The following PACS2 variants were observed in gnomAD, a reference collection of about 807,000 sequenced individuals.
PACS2 encodes the protein phosphofurin acidic cluster sorting protein 2.
PACS2 carries 36 observed loss-of-function variants against 113.0 expected under a neutral mutation model. That is an observed-to-expected ratio of 0.32 (90% CI 0.24 to 0.42). The LOEUF (loss-of-function observed/expected upper bound fraction) is 0.42, where lower values mean the gene tolerates loss of function less well. PACS2 is among the 10% of genes least tolerant of loss of function. The pLI is 1.00. For synonymous variants in PACS2, 589 were observed against 536.1 expected (o/e 1.10, Z -1.36); for missense variants, 1,015 against 1,239.5 (o/e 0.82, Z 2.72).
At chr14:105,362,421 AAAAAAAAAAG>A (rs1178785393) in intron 4 of PACS2, among the ~76,000 whole-genome samples, 2 of 151,650 alleles carry the variant, frequency 1.3e-5, no homozygotes, top group African/African-American at 4.9e-5. Flanking sequence ...CGTCTCAAAA[AAAAAAAAAAG>A]AAAAGAAAAA....
chr14:105,368,260 G>T, intron 6 of PACS2, 113 bp downstream of exon 6: 4 of 876,752 alleles, frequency 4.6e-6, no homozygotes, highest in East Asian at 2.5e-5. Flanking sequence ...TGAGCCACGG[G>T]CCTGGCCCCT....
intron 4 of PACS2, among the ~76,000 whole-genome samples, chr14:105,362,231 A>T (rs1285209092): frequency 6.6e-5 from 10 of 150,848 alleles, no homozygotes; most frequent in Non-Finnish European, 1.3e-4. Context: ...ATCCTGGCTA[A>T]CACAGTGAAA....
At chr14:105,341,585 A>C (rs782711901) in intron 1 of PACS2, among the ~76,000 whole-genome samples, 1 of 152,204 alleles carries the variant, frequency 6.6e-6, no homozygotes, top group Non-Finnish European at 1.5e-5. Flanking sequence ...AGTGTGGTGC[A>C]CCTGGCCTGG....
chr14:105,321,914 T>A (rs1299425951), intron 1 of PACS2, among the ~76,000 whole-genome samples: 1 of 152,102 alleles, frequency 6.6e-6, no homozygotes, highest in Admixed American at 6.6e-5. Context: ...TGTATCTAGA[T>A]TTCATTTTCA....
intron 4 of PACS2, among the ~76,000 whole-genome samples, chr14:105,361,363 A>G (rs1435107456): frequency 6.6e-6 from 1 of 151,998 alleles, no homozygotes; most frequent in African/African-American, 2.4e-5. Context: ...AAGGCTGGGC[A>G]CGGTGGCTCA....
intron 15 of PACS2, 96 bp from the exon 16 acceptor site, chr14:105,383,263 A>G (rs782327756): frequency 4.7e-5 from 67 of 1,412,700 alleles, no homozygotes; most frequent in Non-Finnish European, 6.4e-5. Context: ...GGCCACAGGC[A>G]CGGAGCCCCC....
At chr14:105,308,448 C>T (rs1447362697) in intron 1 of PACS2, among the ~76,000 whole-genome samples, 2 of 150,890 alleles carry the variant, frequency 1.3e-5, no homozygotes, top group African/African-American at 4.9e-5. Context: ...CACCATTGTA[C>T]TCCAGCCTGG....
intron 1 of PACS2, among the ~76,000 whole-genome samples, chr14:105,308,307 C>G (rs2058249455): frequency 1.3e-5 from 2 of 151,992 alleles, no homozygotes; most frequent in African/African-American, 2.4e-5. Context: ...TATGGCAAAA[C>G]AGCATCTCTA....
At chr14:105,306,221 C>T (rs1057075011) in intron 1 of PACS2, among the ~76,000 whole-genome samples, 4 of 152,184 alleles carry the variant, frequency 2.6e-5, no homozygotes, top group African/African-American at 4.8e-5. Context: ...TTGAAGGACA[C>T]GCCTAGGCAC....
chr14:105,391,810 A>G (rs2081368426), intron 22 of PACS2, 44 bp downstream of exon 22: 4 of 1,538,584 alleles, frequency 2.6e-6, no homozygotes, highest in Non-Finnish European at 3.5e-6. Context: ...TACCCGCCCC[A>G]CCACATGCTG....
Position 105,394,099 on chromosome 14 carries a change from C to T in PACS2, c.2597-455C>T, listed in dbSNP as rs1275985833. The T allele has an allele frequency of 9.7e-5, 48 of 494,500 alleles. 1 individual carries two copies. Among genetic ancestry groups the T allele is most frequent in the Non-Finnish European group, 1.3e-4 (48 of 382,748 alleles). The allele number at this position is 494,500 out of a possible 1,614,324, so 30.6% of individuals were successfully genotyped here. A position where few individuals can be genotyped will look rare whatever the true frequency, so the allele number is the denominator to read the frequency against. ...ACTCTGCAAGTAACTGTTTCAGAAA[C>T]GGAGCTCTGGGAGGCTTTCCTCTTT... On this transcript the variant is annotated intron_variant, in intron 24 of 24. Coordinates refer to ENST00000447393, the MANE Select transcript of PACS2 (RefSeq NM_001100913.3).
Position 105,314,818 on chromosome 14 carries a change from A to T in PACS2, c.-101A>T. ...CCGTCCCCTCCGCCGCCCGGCAGCC[A>T]TGTGACCGCGCCGCCGCCCTCCGCG... On this transcript the variant is annotated 5_prime_UTR_variant, in exon 1 of 25. The change abolishes an upstream ATG in the 5' untranslated region. Transcript: ENST00000447393. 1 of 323,830 alleles carries T rather than the reference A, an allele frequency of 3.1e-6. No homozygotes were observed. The highest frequency in any genetic ancestry group is 4.3e-6 in the Non-Finnish European group (1 of 231,000). The allele number at this position is 323,830 out of a possible 1,614,324, so 20.1% of individuals were successfully genotyped here. A position where few individuals can be genotyped will look rare whatever the true frequency, so the allele number is the denominator to read the frequency against.
chr14:105,364,479 G>A (rs1438128723), intron 4 of PACS2, among the ~76,000 whole-genome samples: 94 of 137,170 alleles, frequency 6.9e-4, no homozygotes, highest in African/African-American at 2.4e-3. Context: ...CCGGGTGCGC[G>A]GTGGGTGGCG....
At position 105,382,018 on chromosome 14, in the gene PACS2, G is replaced by A. The variant is rs1237381750; in HGVS notation, c.1373G>A (p.Arg458His). ...NERANSLDNE[R>H]CPDARSQLQV... ...CGGGCCAACAGCCTGGACAACGAGC[G>A]CTGCCCGGACGCCCGGAGCCAGCTA... The change falls in exon 13 of 25, where the codon CGC becomes CAC. Residue 458 changes from arginine to histidine, a missense_variant. Arg to His is a conservative substitution (Grantham distance 29). Transcript: ENST00000447393. 4.5e-6 allele frequency: 7 copies of A among 1,549,778 alleles called. No individual in the cohort carries two copies. The highest frequency in any genetic ancestry group is 1.2e-5 in the South Asian group (1 of 84,014).
intron 20 of PACS2, 111 bp downstream of exon 20, chr14:105,390,114 T>TA: frequency 1.0e-6 from 1 of 989,978 alleles, no homozygotes; most frequent in South Asian, 1.3e-5. Flanking sequence ...TTCCCACAGA[T>TA]ACGAGCTGGG....
intron 4 of PACS2, among the ~76,000 whole-genome samples, chr14:105,360,400 C>T (rs1005399128): frequency 1.3e-5 from 2 of 151,804 alleles, no homozygotes; most frequent in East Asian, 1.9e-4. Flanking sequence ...AAAAATTAGC[C>T]GGGCGTCGTG....
chr14:105,390,324 G>A (rs587677409), intron 20 of PACS2: 15 of 400,950 alleles, frequency 3.7e-5, no homozygotes, highest in African/African-American at 1.4e-4. Context: ...CTGCCTGCCC[G>A]GGTTGGGGAG....
In PACS2 at chr14:105,314,928, C is replaced by A; in HGVS notation, c.10C>A (p.Arg4=). The change falls in exon 1 of 25, where the codon CGA becomes AGA. Residue 4 remains arginine (R), a synonymous_variant. Coordinates refer to ENST00000447393, the MANE Select transcript of PACS2 (RefSeq NM_001100913.3). Reference sequence around the variant, plus strand: ...CGGCGGGGCCGGCGCCATGGCCGAGCGAGGCCGCCTCGGCCTCCCCGGCGC... The same window carrying A: ...CGGCGGGGCCGGCGCCATGGCCGAGAGAGGCCGCCTCGGCCTCCCCGGCGC... The part of the protein sequence containing the change: MAE[R]GRLGLPGAPG... 1 of 1,079,966 alleles carries A rather than the reference C, an allele frequency of 9.3e-7. No individual in the cohort carries two copies. The highest frequency in any genetic ancestry group is 1.1e-6 in the Non-Finnish European group (1 of 882,818). The allele number at this position is 1,079,966 out of a possible 1,614,324, so 66.9% of individuals were successfully genotyped here. A position where few individuals can be genotyped will look rare whatever the true frequency, so the allele number is the denominator to read the frequency against.
chr14:105,349,962 A>G (rs1400262803), intron 2 of PACS2, among the ~76,000 whole-genome samples: 2 of 139,026 alleles, frequency 1.4e-5, no homozygotes, highest in Non-Finnish European at 3.0e-5. Flanking sequence ...CGTGGCTAAT[A>G]GCAGGACCCC....
Sources: allele counts gnomAD v4.1 joint callset (sites outside exome capture counted in the v4.1 genomes callset), GRCh38; gene constraint gnomAD v4.1.1; transcripts MANE v1.5; gene names NCBI Gene and HGNC (gene_info 2026-07-23, HGNC 2026-07-21).